The following NEBL variants were observed in gnomAD, a reference collection of about 807,000 sequenced individuals.
The protein encoded by NEBL is nebulette.
NEBL carries 122 observed loss-of-function variants against 140.2 expected under a neutral mutation model. The ratio of observed to expected loss-of-function variants is 0.87; its 90% CI spans 0.75 to 1.01. The LOEUF is 1.01. Among genes scored for constraint, NEBL ranks in the 50% least tolerant of loss-of-function variants. The pLI is 0.00. For missense variants in NEBL, 1,365 were observed against 1,231.3 expected, an observed-to-expected ratio of 1.11 and a Z score of -1.62; for synonymous variants, 436 against 398.9, an observed-to-expected ratio of 1.09 and a Z score of -1.11.
chr10:21,207,514 C>T (rs1440363576), intron 3 of NEBL, among the ~76,000 whole-genome samples: 1 of 151,996 alleles, frequency 6.6e-6, no homozygotes, highest in Admixed American at 6.6e-5. Context: ...ATTGACTGTG[C>T]ACACACACAC....
upstream of NEBL, chr10:20,899,307 C>T: frequency 2.0e-6 from 2 of 987,762 alleles, no homozygotes; most frequent in Non-Finnish European, 2.8e-6. Flanking sequence ...TGAGACACAC[C>T]TTTTGGCTCA....
At chr10:21,136,249 TA>T (rs1384115094) in intron 2 of NEBL, among the ~76,000 whole-genome samples, 1 of 152,236 alleles carries the variant, frequency 6.6e-6, no homozygotes, top group African/African-American at 2.4e-5. Context: ...TCTAGTAATA[TA>T]TTTCCAAAAT....
At chr10:21,287,967 G>C (rs533564443) in intron 1 of NEBL, among the ~76,000 whole-genome samples, 3 of 152,286 alleles carry the variant, frequency 2.0e-5, no homozygotes, top group African/African-American at 4.8e-5. Context: ...TATACTATGT[G>C]AGTTATTCCA....
intron 13 of NEBL, 83 bp downstream of exon 13, chr10:20,840,656 G>A (rs1588749663): frequency 1.1e-6 from 1 of 901,616 alleles, no homozygotes; most frequent in East Asian, 2.5e-5. Context: ...AGTTATAGAT[G>A]TATAGAACCT....
chr10:21,129,769 A>G (rs1839013875), intron 2 of NEBL, among the ~76,000 whole-genome samples: 1 of 152,172 alleles, frequency 6.6e-6, no homozygotes, highest in Non-Finnish European at 1.5e-5. Flanking sequence ...AAAGGAGAGA[A>G]AATAGAATCA....
intron 4 of NEBL, among the ~76,000 whole-genome samples, chr10:20,957,323 A>G (rs2131609411): frequency 6.6e-6 from 1 of 152,302 alleles, no homozygotes; most frequent in South Asian, 2.1e-4. Flanking sequence ...GTAGCAAAAG[A>G]GCTAAAAATA....
chr10:21,233,828 C>T (rs1842303594), intron 3 of NEBL, among the ~76,000 whole-genome samples: 2 of 124,510 alleles, frequency 1.6e-5, no homozygotes, highest in African/African-American at 5.8e-5. Context: ...CATATATATG[C>T]ATATATATGG....
intron 3 of NEBL, among the ~76,000 whole-genome samples, chr10:20,975,418 T>C (rs908557770): frequency 7.2e-5 from 11 of 152,038 alleles, no homozygotes; most frequent in Non-Finnish European, 1.6e-4. Context: ...CAGCAATAAG[T>C]TGGCATTGCC....
chr10:20,843,680 C>CT (rs1360885240), intron 12 of NEBL, among the ~76,000 whole-genome samples: 5 of 151,940 alleles, frequency 3.3e-5, no homozygotes, highest in African/African-American at 9.7e-5. Flanking sequence ...AACTATTTCT[C>CT]TTTTTTCCTT....
At chr10:20,815,358 A>G (rs1838621950) in intron 22 of NEBL, among the ~76,000 whole-genome samples, 1 of 152,218 alleles carries the variant, frequency 6.6e-6, no homozygotes, top group Non-Finnish European at 1.5e-5. Flanking sequence ...CTAACATATC[A>G]TGAATCGTTG....
chr10:20,967,627 CAA>C (rs199926622), intron 3 of NEBL, among the ~76,000 whole-genome samples: 2 of 125,128 alleles, frequency 1.6e-5, no homozygotes. Flanking sequence ...GACTCCATCT[CAA>C]AAAAAAAAAA....
At chr10:21,191,622 C>T (rs962173436) in intron 3 of NEBL, among the ~76,000 whole-genome samples, 1 of 152,174 alleles carries the variant, frequency 6.6e-6, no homozygotes, top group African/African-American at 2.4e-5. Context: ...AAGAGTGAAA[C>T]CAGCATTTGC....
At chr10:21,048,220 C>T (rs1354080309) in intron 2 of NEBL, among the ~76,000 whole-genome samples, 1 of 152,210 alleles carries the variant, frequency 6.6e-6, no homozygotes, top group Non-Finnish European at 1.5e-5. Context: ...GGTATCCCAT[C>T]AGTCACTGTG....
intron 25 of NEBL, 132 bp from the exon 26 acceptor site, chr10:20,808,791 TAGGC>T: frequency 1.1e-6 from 1 of 905,396 alleles, no homozygotes; most frequent in South Asian, 1.3e-5. Context: ...ATCTCAGCGC[TAGGC>T]ACCTATTCCC....
chr10:21,195,867 A>ATATT (rs777050930), intron 3 of NEBL, among the ~76,000 whole-genome samples: 17 of 152,328 alleles, frequency 1.1e-4, no homozygotes, highest in Admixed American at 1.3e-4. Flanking sequence ...CACTCTGTAA[A>ATATT]TATTTTTTAT....
In NEBL at chr10:20,816,360, T is replaced by C. The variant is rs149649244; in HGVS notation, c.2149-643A>G. Among the ~76,000 whole-genome samples the C allele has an allele frequency of 9.8e-4, 150 of 152,324 alleles. 2 individuals carry two copies. In the Middle Eastern group the frequency reaches 0.017, roughly 17 times the overall value. On this transcript the variant is annotated intron_variant, in intron 21 of 27. Transcript: ENST00000377122. ...CTGGTACTACATGGTCGTGGTTTCT[T>C]AGGAATTAACTGCGGCAGAATTTTT...
intron 23 of NEBL, 136 bp from the exon 24 acceptor site, chr10:20,813,076 A>G: frequency 1.3e-6 from 1 of 755,170 alleles, no homozygotes; most frequent in Non-Finnish European, 2.2e-6. Context: ...CAAATACTCC[A>G]AAACTAAAGT....
chr10:21,195,458 ACTAT>A (rs1224277643), intron 3 of NEBL, among the ~76,000 whole-genome samples: 1 of 152,200 alleles, frequency 6.6e-6, no homozygotes, highest in Non-Finnish European at 1.5e-5. Context: ...AATTAAATTG[ACTAT>A]CTGTCACCAG....
rs929674636 is a variant in NEBL at position 21,216,001 on chromosome 10, C to T, written n.348+31920G>A. On this transcript the variant is annotated intron_variant and non_coding_transcript_variant, in intron 3 of 8. Transcript: ENST00000675702. ...AACTAGTTTCCAGCTCTACTTGTTC[C>T]TCCTTCACTTCCTACTTCCCAGCAG... Among the ~76,000 whole-genome samples the T allele has an allele frequency of 4.6e-5, 7 of 152,258 alleles. No homozygotes were observed. The South Asian group carries it at 1.4e-3, about 32-fold the overall frequency.
Sources: gnomAD v4.1 joint callset for allele counts (sites outside exome capture counted in the v4.1 genomes callset) on GRCh38, gnomAD v4.1.1 for gene constraint, MANE v1.5 for transcripts, NCBI Gene and HGNC (gene_info 2026-07-23, HGNC 2026-07-21) for gene names.